Variants in IGF2R observed in about 807,000 individuals in gnomAD.
IGF2R encodes insulin like growth factor 2 receptor, also known as cation-independent mannose-6-phosphate receptor.
In IGF2R, 91 loss-of-function variants were observed where a neutral mutation model predicts 270.6. The observed-to-expected ratio is 0.34, with a 90% CI of 0.28 to 0.40. The LOEUF is 0.40. Among genes scored for constraint, IGF2R ranks in the 10% least tolerant of loss-of-function variants. The pLI is 1.00. For missense variants in IGF2R, 2,805 were observed against 3,188.3 expected, an observed-to-expected ratio of 0.88 and a Z score of 2.90; for synonymous variants, 1,316 against 1,258.9, an observed-to-expected ratio of 1.05 and a Z score of -0.96.
chr6:160,033,671 A>G (rs894751647), intron 9 of IGF2R, among the ~76,000 whole-genome samples: 6 of 152,234 alleles, frequency 3.9e-5, no homozygotes, highest in Admixed American at 6.5e-5. Context: ...TACGGAACCT[A>G]CTGTAGGAAA....
At chr6:159,984,711 AT>A (rs1460119745) in intron 1 of IGF2R, among the ~76,000 whole-genome samples, 7 of 152,296 alleles carry the variant, frequency 4.6e-5, no homozygotes, top group African/African-American at 1.7e-4. Flanking sequence ...CAGTGACAGA[AT>A]TGCCTCATGA....
intron 6 of IGF2R, among the ~76,000 whole-genome samples, chr6:160,028,357 AG>A (rs1165841232): frequency 6.6e-6 from 1 of 152,214 alleles, no homozygotes; most frequent in Non-Finnish European, 1.5e-5. Context: ...ACCTCTTTAA[AG>A]GCCCTGTCTC....
rs1197663935 is a variant in IGF2R, at chr6:160,105,067, G to A, written c.7459G>A (p.Asp2487Asn). 3 of 1,592,598 alleles carry A rather than the reference G, an allele frequency of 1.9e-6. No individual in the cohort carries two copies. Among genetic ancestry groups the A allele is most frequent in the Non-Finnish European group, 2.6e-6 (3 of 1,169,020 alleles). The change falls in exon 48 of 48, where the codon GAC becomes AAC. Residue 2487 changes from aspartate to asparagine, a missense_variant. By Grantham distance (23) the Asp-to-Asn change is conservative (BLOSUM62 1). Around this residue, in one of 2 missense-constraint regions of IGF2R, gnomAD observed 1,851 missense variants for 2,207.2 expected, o/e 0.84. Coordinates refer to ENST00000356956, the MANE Select transcript of IGF2R (RefSeq NM_000876.4). ...LVSFHDDSDE[D>N]LLHI is the part of the protein sequence containing the mutation. ...GTCCTTCCATGACGACAGCGACGAG[G>A]ACCTCTTACACATCTGACTCCGCAG...
intron 5 of IGF2R, 65 bp from the exon 6 acceptor site, chr6:160,027,120 C>A: frequency 1.3e-6 from 2 of 1,573,162 alleles, no homozygotes; most frequent in Non-Finnish European, 8.7e-7. Context: ...GACCCTGGGT[C>A]TAAGGGTACG....
At chr6:160,012,775 T>A (rs111846146) in intron 4 of IGF2R, among the ~76,000 whole-genome samples, 12,515 of 123,990 alleles carry the variant, frequency 0.1, 1,332 homozygotes, top group East Asian at 0.27. Context: ...TTTTTTTTTT[T>A]TTTGTTTGTT....
intron 1 of IGF2R, among the ~76,000 whole-genome samples, chr6:159,979,056 G>A (rs1378944951): frequency 6.6e-6 from 1 of 152,130 alleles, no homozygotes; most frequent in Non-Finnish European, 1.5e-5. Flanking sequence ...AGTTGCCTGT[G>A]GGCTATGGCC....
chr6:160,057,323 G>A (rs1315286057), intron 20 of IGF2R, among the ~76,000 whole-genome samples: 2 of 152,224 alleles, frequency 1.3e-5, no homozygotes, highest in Non-Finnish European at 2.9e-5. Context: ...AAGGTAGTGA[G>A]TTGTTTTCAC....
intron 1 of IGF2R, among the ~76,000 whole-genome samples, chr6:159,971,487 A>G (rs572284009): frequency 6.6e-6 from 1 of 152,248 alleles, no homozygotes; most frequent in African/African-American, 2.4e-5. Context: ...TTTTTCTGCC[A>G]GATTTTCTTA....
At position 160,050,610 on chromosome 6, in the gene IGF2R, A is replaced by G; in HGVS notation, c.2652A>G (p.Thr884=). Residue 884 remains threonine, a synonymous_variant, in exon 19 of 48, where the codon ACA becomes ACG. Coordinates refer to ENST00000356956, the MANE Select transcript of IGF2R (RefSeq NM_000876.4). The surrounding 1 kb of genome is among the most constrained non-coding windows in gnomAD (Gnocchi z 4.0). ...CCACCAGCGATGGCAGACAGACCAC[A>G]TATACCACGAGGATCCATCTCGTCT... ...ACTTSDGRQT[T]YTTRIHLVCS... The G allele has an allele frequency of 6.2e-7, 1 of 1,613,610 alleles. No individual in the cohort carries two copies. The highest frequency in any genetic ancestry group is 8.5e-7 in the Non-Finnish European group (1 of 1,179,560).
intron 10 of IGF2R, 118 bp from the exon 11 acceptor site, chr6:160,040,442 C>A: frequency 1.3e-6 from 1 of 788,026 alleles, no homozygotes; most frequent in Non-Finnish European, 2.1e-6. Flanking sequence ...AAAACCTGGA[C>A]CTGAATTTTT....
rs756508654 is a variant in IGF2R, at chr6:160,032,557, A to G, written c.889A>G (p.Ile297Val). ...TTCACATTGTTCCTGATAGGGCACCATTCCCAAACTCACAGCTAAATCCAA... is the reference window on the plus strand; with the variant it reads ...TTCACATTGTTCCTGATAGGGCACCGTTCCCAAACTCACAGCTAAATCCAA... ...VCPSERREGTIPKLTAKSNCR... is the reference protein window; with the variant it reads ...VCPSERREGTVPKLTAKSNCR... The change falls in exon 8 of 48, where the codon ATT (isoleucine) becomes GTT (valine). Residue 297 changes from isoleucine to valine, a missense_variant. Coordinates refer to ENST00000356956, the MANE Select transcript of IGF2R (RefSeq NM_000876.4). 6 of 1,613,852 alleles carry G rather than the reference A, an allele frequency of 3.7e-6. No individual in the cohort carries two copies. Among genetic ancestry groups the G allele is most frequent in the Admixed American group, 1.7e-5 (1 of 59,970 alleles).
intron 1 of IGF2R, among the ~76,000 whole-genome samples, chr6:159,979,937 A>T (rs1783753442): frequency 6.6e-6 from 1 of 152,154 alleles, no homozygotes; most frequent in Non-Finnish European, 1.5e-5. Flanking sequence ...CATGCCTGTA[A>T]TCCCAGCACT....
Position 160,044,512 on chromosome 6 carries a change from A to G in IGF2R, c.1622-2A>G. 1 of 1,600,196 alleles carries G rather than the reference A, an allele frequency of 6.2e-7. No individual in the cohort carries two copies. Among genetic ancestry groups the G allele is most frequent in the Non-Finnish European group, 8.5e-7 (1 of 1,170,748 alleles). On this transcript the variant is annotated splice_acceptor_variant, in intron 12 of 47. Coordinates refer to ENST00000356956, the MANE Select transcript of IGF2R (RefSeq NM_000876.4). LOFTEE classifies it high-confidence loss of function. ...TCTGTTTTCTCCCCCTTTCTCTTCC[A>G]GATAAAAATGGAAGTAAAAATCTGG...
At chr6:160,002,978 T>C (rs540933825) in intron 2 of IGF2R, among the ~76,000 whole-genome samples, 1 of 152,364 alleles carries the variant, frequency 6.6e-6, no homozygotes, top group South Asian at 2.1e-4. Context: ...CCCATTTAAC[T>C]TGAGGTAATG....
chr6:160,007,181 A>T (rs1287820077), intron 2 of IGF2R: 1 of 152,032 alleles, frequency 6.6e-6, no homozygotes, highest in Non-Finnish European at 1.5e-5. Flanking sequence ...AGAGCATGAG[A>T]TATTCTTTCA....
chr6:160,059,050 A>G lies in IGF2R; in HGVS notation c.3043A>G (p.Thr1015Ala). ...AATTGAGAAAAGCCTCCAGCTGTCC[A>G]CAGAGGGCTTCATCACTCTGACCTA... The part of the protein sequence containing the change: ...VGIEKSLQLS[T>A]EGFITLTYKG... Residue 1015 changes from threonine (T) to alanine (A), a missense_variant, in exon 22 of 48, where the codon ACA becomes GCA. Thr to Ala is a moderately conservative substitution (Grantham distance 58). Around this residue, in one of 2 missense-constraint regions of IGF2R, gnomAD observed 1,851 missense variants for 2,207.2 expected, o/e 0.84. Coordinates refer to ENST00000356956, the MANE Select transcript of IGF2R (RefSeq NM_000876.4). 6.2e-7 allele frequency: 1 copy of G among 1,614,228 alleles called. No individual in the cohort carries two copies. Among genetic ancestry groups the G allele is most frequent in the Non-Finnish European group, 8.5e-7 (1 of 1,180,030 alleles).
At chr6:159,991,069 A>C in intron 1 of IGF2R, 115 bp from the exon 2 acceptor site, 3 of 990,746 alleles carry the variant, frequency 3.0e-6, no homozygotes, top group Non-Finnish European at 4.4e-6. Context: ...GGCTAAGGAA[A>C]GTGTATTTTC....
chr6:160,024,709 G>A lies in IGF2R; in HGVS notation c.646+5G>A. On this transcript the variant is annotated splice_donor_5th_base_variant and intron_variant, in intron 5 of 47. Transcript: ENST00000356956. ...TCAATGTTTGTAGAGACATAGGTAT[G>A]AATCTTTGTGGGGCTGAGGGGGTGG... 1.2e-6 allele frequency: 2 copies of A among 1,613,938 alleles called. No individual in the cohort carries two copies. Among genetic ancestry groups the A allele is most frequent in the Non-Finnish European group, 1.7e-6 (2 of 1,179,874 alleles).
intron 29 of IGF2R, 30 bp from the exon 30 acceptor site, chr6:160,068,219 C>G: frequency 6.2e-7 from 1 of 1,613,256 alleles, no homozygotes; most frequent in Non-Finnish European, 8.5e-7. Context: ...ACGACCAAGC[C>G]TAACTAACTG....
Sources: allele counts gnomAD v4.1 joint callset (sites outside exome capture counted in the v4.1 genomes callset), GRCh38; gene constraint gnomAD v4.1.1; regional missense constraint gnomAD v4.1.1; non-coding constraint Gnocchi (gnomAD v3.1); transcripts MANE v1.5; gene names NCBI Gene and HGNC (gene_info 2026-07-23, HGNC 2026-07-21).